Variants in IFT81 observed in about 807,000 individuals in gnomAD.
IFT81 encodes intraflagellar transport 81.
In IFT81, 72 loss-of-function variants were observed where a neutral mutation model predicts 102.6. The observed-to-expected ratio is 0.70, with a 90% CI of 0.58 to 0.85. IFT81 has a LOEUF of 0.85. Ranked by LOEUF, IFT81 falls within the 40% of genes least tolerant of loss-of-function variation. IFT81 has a pLI of 0.00. For synonymous variants in IFT81, 237 were observed against 242.7 expected, an observed-to-expected ratio of 0.98 and a Z score of 0.22; for missense variants, 723 against 787.3, an observed-to-expected ratio of 0.92 and a Z score of 0.98.
At chr12:110,140,286 G>A (rs971137426) in intron 8 of IFT81, among the ~76,000 whole-genome samples, 10 of 152,024 alleles carry the variant, frequency 6.6e-5, no homozygotes, top group African/African-American at 2.4e-4. Context: ...ATGCCCTAAA[G>A]TGTATCCTTG....
intron 17 of IFT81, 84 bp downstream of exon 17, chr12:110,205,764 T>G: frequency 1.2e-6 from 1 of 844,386 alleles, no homozygotes; most frequent in East Asian, 2.8e-5. Flanking sequence ...TTATACAAAT[T>G]TAGCATATTT....
At chr12:110,212,630 A>G (rs894765450) in intron 18 of IFT81, among the ~76,000 whole-genome samples, 1 of 152,002 alleles carries the variant, frequency 6.6e-6, no homozygotes, top group African/African-American at 2.4e-5. Flanking sequence ...TGAGGTCAGG[A>G]GTTCAAGACC....
At chr12:110,192,790 G>A in intron 14 of IFT81, 84 bp downstream of exon 14, 1 of 717,166 alleles carries the variant, frequency 1.4e-6, no homozygotes, top group South Asian at 1.8e-5. Flanking sequence ...TTAGAACCCT[G>A]GATATTTTAC....
chr12:110,148,550 A>G (rs904066354), intron 10 of IFT81, among the ~76,000 whole-genome samples: 2 of 151,178 alleles, frequency 1.3e-5, no homozygotes, highest in East Asian at 1.9e-4. Context: ...ATCTCGGCTC[A>G]CTGCAACCTC....
intron 11 of IFT81, chr12:110,169,074 TTC>T (rs1432334303): frequency 2.1e-5 from 3 of 144,184 alleles, no homozygotes; most frequent in Non-Finnish European, 4.6e-5. Context: ...CCTTCCTTCC[TTC>T]CTTCCTCTCT....
At chr12:110,136,496 T>C (rs1470415360) in intron 7 of IFT81, among the ~76,000 whole-genome samples, 2 of 152,176 alleles carry the variant, frequency 1.3e-5, no homozygotes, top group African/African-American at 4.8e-5. Context: ...ACAAGAAAAA[T>C]CTGGTGTGTG....
In IFT81 at chr12:110,136,782, C is replaced by T; in HGVS notation, c.703C>T (p.His235Tyr). Residue 235 changes from histidine (H) to tyrosine (Y), a missense_variant, in exon 8 of 19, where the codon CAT (histidine) becomes TAT (tyrosine). Physicochemically the swap from His to Tyr is moderately conservative, Grantham distance 83 (BLOSUM62 2). Transcript: ENST00000242591. ...QKQEQKNQLF[H>Y]AVQRLQRVQN... ...ATTTAATTGTATTTTAAAGCTATTT[C>T]ATGCAGTGCAAAGATTGCAAAGAGT... is the stretch of plus-strand genomic sequence containing the variant. 6.2e-7 allele frequency: 1 copy of T among 1,602,550 alleles called. No individual in the cohort carries two copies. Among genetic ancestry groups the T allele is most frequent in the Non-Finnish European group, 8.5e-7 (1 of 1,171,226 alleles).
At chr12:110,137,362 T>G (rs1335550625) in intron 8 of IFT81, among the ~76,000 whole-genome samples, 1 of 151,270 alleles carries the variant, frequency 6.6e-6, no homozygotes, top group Non-Finnish European at 1.5e-5. Context: ...AAACAATTCC[T>G]AACCAGTTTT....
intron 12 of IFT81, among the ~76,000 whole-genome samples, chr12:110,180,926 A>G (rs934400344): frequency 2.6e-5 from 4 of 152,234 alleles, no homozygotes; most frequent in Admixed American, 6.5e-5. Context: ...GCCACTTCCA[A>G]GAAGCTTTGG....
At chr12:110,132,406 G>T in intron 4 of IFT81, 141 bp from the exon 5 acceptor site, 1 of 406,774 alleles carries the variant, frequency 2.5e-6, no homozygotes, top group South Asian at 3.0e-5. Flanking sequence ...GTTGTAGTGA[G>T]CCGAGATCGT....
intron 12 of IFT81, among the ~76,000 whole-genome samples, chr12:110,185,045 G>A (rs1451690512): frequency 1.3e-5 from 2 of 152,162 alleles, no homozygotes; most frequent in Non-Finnish European, 2.9e-5. Context: ...TTGCACTGCT[G>A]CAACATGCCT....
intron 10 of IFT81, among the ~76,000 whole-genome samples, chr12:110,152,516 T>A (rs1004691997): frequency 2.0e-5 from 3 of 152,212 alleles, no homozygotes; most frequent in African/African-American, 7.2e-5. Flanking sequence ...GATATTGAGT[T>A]GAGTTCCTTA....
chr12:110,162,331 C>CTTTTTTTTTT (rs1160267123), intron 10 of IFT81: 1 of 100,078 alleles, frequency 1.0e-5, no homozygotes, highest in African/African-American at 4.3e-5. Flanking sequence ...TAATATTTTT[C>CTTTTTTTTTT]TTTTTTTTTT....
intron 12 of IFT81, among the ~76,000 whole-genome samples, chr12:110,184,772 A>G (rs1190252114): frequency 6.6e-6 from 1 of 152,206 alleles, no homozygotes; most frequent in African/African-American, 2.4e-5. Context: ...CACCTATTAG[A>G]GGAGTCCCTT....
At chr12:110,188,204 T>C (rs1401760505) in intron 12 of IFT81, among the ~76,000 whole-genome samples, 2 of 151,534 alleles carry the variant, frequency 1.3e-5, no homozygotes, top group Non-Finnish European at 2.9e-5. Flanking sequence ...TGGTGGTGGG[T>C]GCCGGGAATC....
chr12:110,205,777 G>A (rs1234119370), intron 17 of IFT81, 97 bp downstream of exon 17: 3 of 708,600 alleles, frequency 4.2e-6, no homozygotes, highest in East Asian at 5.9e-5. Context: ...GCATATTTAA[G>A]TAAGTAGACA....
chr12:110,169,073 C>CTTCCTTCT (rs1896607629), intron 11 of IFT81: 1 of 147,364 alleles, frequency 6.8e-6, no homozygotes, highest in Admixed American at 6.9e-5. Context: ...TCCTTCCTTC[C>CTTCCTTCT]TTCCTTCCTC....
chr12:110,181,954 G>A (rs1897325445), intron 12 of IFT81, among the ~76,000 whole-genome samples: 1 of 152,160 alleles, frequency 6.6e-6, no homozygotes, highest in African/African-American at 2.4e-5. Flanking sequence ...CTGATCCCAT[G>A]ATCAACTTTG....
rs547769531 is a variant in IFT81 at position 110,133,312 on chromosome 12, C to T, written c.519+676C>T. ...TTAATCATATTTTCTAAATTTTCTACAAAGCATATGTTCAAGAATACTTTA... is the reference window on the plus strand; with the variant it reads ...TTAATCATATTTTCTAAATTTTCTATAAAGCATATGTTCAAGAATACTTTA... On this transcript the variant is annotated intron_variant, in intron 5 of 18. Transcript: ENST00000242591. 3.9e-5 allele frequency among the ~76,000 whole-genome samples: 6 copies of T among 152,138 alleles called. No homozygotes were observed. In the East Asian group the frequency reaches 1.2e-3, roughly 29 times the overall value.
Sources: gnomAD v4.1 joint callset for allele counts (sites outside exome capture counted in the v4.1 genomes callset) on GRCh38, gnomAD v4.1.1 for gene constraint, MANE v1.5 for transcripts, NCBI Gene and HGNC (gene_info 2026-07-23, HGNC 2026-07-21) for gene names.